Variants in TRIO observed in about 807,000 individuals in gnomAD.
TRIO encodes triple functional domain protein.
A neutral mutation model predicts 351.9 loss-of-function variants in TRIO; 58 were observed. The ratio of observed to expected loss-of-function variants is 0.16; its 90% CI spans 0.13 to 0.21. The LOEUF (loss-of-function observed/expected upper bound fraction) is 0.21, where lower values mean the gene tolerates loss of function less well. Ranked by LOEUF, TRIO falls within the 10% of genes least tolerant of loss-of-function variation. TRIO has a pLI of 1.00. For missense variants in TRIO, 3,201 were observed against 4,027.8 expected (o/e 0.79, Z 5.56); for synonymous variants, 1,758 against 1,595.7 (o/e 1.10, Z -2.42).
At chr5:14,317,558 G>A (rs1472578597) in intron 9 of TRIO, among the ~76,000 whole-genome samples, 1 of 152,230 alleles carries the variant, frequency 6.6e-6, no homozygotes, top group Non-Finnish European at 1.5e-5. Context: ...TGAGTGTCAT[G>A]TGAAGGTGAG....
At chr5:14,350,195 G>T (rs773210550) in intron 11 of TRIO, among the ~76,000 whole-genome samples, 37 of 152,168 alleles carry the variant, frequency 2.4e-4, no homozygotes, top group Admixed American at 4.6e-4. Context: ...AAGGCAGGCA[G>T]GCTGTGAGAA....
At chr5:14,268,639 A>C (rs1795825280) in intron 1 of TRIO, among the ~76,000 whole-genome samples, 1 of 152,142 alleles carries the variant, frequency 6.6e-6, no homozygotes, top group South Asian at 2.1e-4. Flanking sequence ...ACAGATAGGG[A>C]TCTACAGCTG....
At chr5:14,379,226 A>C (rs567437586) in intron 20 of TRIO, among the ~76,000 whole-genome samples, 1 of 152,334 alleles carries the variant, frequency 6.6e-6, no homozygotes, top group East Asian at 1.9e-4. Context: ...CCACATTCTG[A>C]CCACGACACG....
chr5:14,424,426 AGTACCTGCATTTT>A (rs1750468337), intron 34 of TRIO, among the ~76,000 whole-genome samples: 1 of 152,228 alleles, frequency 6.6e-6, no homozygotes, highest in Admixed American at 6.5e-5. Flanking sequence ...AGTATGGTTC[AGTACCTGCATTTT>A]ATTTCGAAGA....
intron 48 of TRIO, chr5:14,488,999 C>T: frequency 1.3e-6 from 1 of 765,232 alleles, no homozygotes; most frequent in South Asian, 1.3e-5. Context: ...TTTCCTGCTT[C>T]CTCACTGTCC....
chr5:14,342,169 G>A (rs1381323005), intron 11 of TRIO, among the ~76,000 whole-genome samples: 1 of 152,142 alleles, frequency 6.6e-6, no homozygotes, highest in Non-Finnish European at 1.5e-5. Flanking sequence ...AGGGTTCCTG[G>A]GAAGCAGGTG....
In TRIO at chr5:14,507,919, A is replaced by G. The variant is rs771310735; in HGVS notation, c.8791A>G (p.Thr2931Ala). 5 of 1,614,024 alleles carry G rather than the reference A, an allele frequency of 3.1e-6. No individual in the cohort carries two copies. The highest frequency in any genetic ancestry group is 1.7e-5 in the Admixed American group (1 of 60,000). Residue 2931 changes from threonine (T) to alanine (A), a missense_variant, in exon 57 of 57, where the codon ACC becomes GCC. Transcript: ENST00000344204. ...GGTGGATGAGAGTTTAGCCAAGCCA[A>G]CCATCAAACTGGCTGACTTTGGAGA... ...ILVDESLAKP[T>A]IKLADFGDAV... is the part of the protein sequence containing the mutation.
chr5:14,290,115 A>G lies in TRIO; in HGVS notation c.541-601A>G, dbSNP rs80351269. On this transcript the variant is annotated intron_variant, in intron 4 of 56. Transcript: ENST00000344204. ...TCCCATCATCTGTTATTTGATGGGC[A>G]GTGGGGTTAGGCTTAGGCAAGATGA... Among the ~76,000 whole-genome samples, 751 of 152,310 alleles carry G rather than the reference A, an allele frequency of 4.9e-3. 6 individuals are homozygous for G. The highest frequency in any genetic ancestry group is 0.016 in the African/African-American group (669 of 41,560).
Position 14,374,302 on chromosome 5 carries a change from G to C in TRIO, c.3290G>C (p.Gly1097Ala). 6.2e-7 allele frequency: 1 copy of C among 1,613,624 alleles called. No homozygotes were observed. Among genetic ancestry groups the C allele is most frequent in the Non-Finnish European group, 8.5e-7 (1 of 1,179,702 alleles). ...YLHRNSVNMPGMVTHIKAPEQ... is the reference protein window; with the variant it reads ...YLHRNSVNMPAMVTHIKAPEQ... The stretch of plus-strand genomic sequence containing the variant: ...CACAGGAACAGCGTGAACATGCCAG[G>C]AATGGTGACGCACATCAAAGCTCCT... Residue 1097 changes from glycine to alanine, a missense_variant, in exon 19 of 57, where the codon GGA becomes GCA. Around this residue, in one of 19 missense-constraint regions of TRIO, gnomAD observed 201 missense variants for 266.5 expected, o/e 0.75. Transcript: ENST00000344204.
intron 27 of TRIO, among the ~76,000 whole-genome samples, chr5:14,391,417 C>A (rs188497567): frequency 6.6e-6 from 1 of 152,152 alleles, no homozygotes; most frequent in Non-Finnish European, 1.5e-5. Context: ...ATTTTAATTT[C>A]ATGATGTTAC....
At chr5:14,369,631 T>C in intron 18 of TRIO, 108 bp downstream of exon 18, 2 of 1,358,270 alleles carry the variant, frequency 1.5e-6, no homozygotes, top group Non-Finnish European at 1.9e-6. Flanking sequence ...ACCTCTTGCC[T>C]GCTGTGGAAT....
chr5:14,270,965 T>A (rs1015923847), intron 2 of TRIO, 66 bp downstream of exon 2: 17 of 1,132,730 alleles, frequency 1.5e-5, no homozygotes, highest in East Asian at 9.9e-5. Context: ...TCTGACGTAA[T>A]AAATGAACTC....
intron 1 of TRIO, among the ~76,000 whole-genome samples, chr5:14,227,484 A>G (rs60257652): frequency 0.051 from 7,743 of 152,150 alleles, 650 homozygotes; most frequent in African/African-American, 0.18. Context: ...TAAGTGGCAT[A>G]CTCCAGTTTT....
intron 33 of TRIO, among the ~76,000 whole-genome samples, chr5:14,410,252 C>T (rs1749083815): frequency 6.6e-6 from 1 of 152,142 alleles, no homozygotes; most frequent in Non-Finnish European, 1.5e-5. Context: ...CAAGAAGGTG[C>T]ACGTTTGCTG....
intron 34 of TRIO, 54 bp downstream of exon 34, chr5:14,420,075 C>T (rs1295547819): frequency 7.6e-6 from 12 of 1,583,884 alleles, no homozygotes; most frequent in Middle Eastern, 2.0e-4. Flanking sequence ...GGCCCTGGAG[C>T]GCTCTGTCTC....
intron 1 of TRIO, among the ~76,000 whole-genome samples, chr5:14,262,345 G>A (rs1795398607): frequency 6.6e-6 from 1 of 152,076 alleles, no homozygotes; most frequent in Non-Finnish European, 1.5e-5. Flanking sequence ...GCATGTGTAT[G>A]GAGGTACAGT....
chr5:14,384,825 A>T (rs554181848), intron 21 of TRIO, among the ~76,000 whole-genome samples: 17 of 152,216 alleles, frequency 1.1e-4, no homozygotes, highest in Non-Finnish European at 1.8e-4. Flanking sequence ...CATAAGGAAC[A>T]TCTAAAGTTA....
intron 1 of TRIO, among the ~76,000 whole-genome samples, chr5:14,215,592 C>T (rs1792168664): frequency 1.3e-5 from 2 of 152,138 alleles, no homozygotes; most frequent in South Asian, 4.1e-4. Context: ...TTCTTTAGTT[C>T]CAAGATTTGA....
chr5:14,231,156 C>A (rs1286470274), intron 1 of TRIO, among the ~76,000 whole-genome samples: 1 of 152,186 alleles, frequency 6.6e-6, no homozygotes, highest in Non-Finnish European at 1.5e-5. Context: ...CTTGTGACCC[C>A]GTTATACTCA....
Sources: allele counts gnomAD v4.1 joint callset (sites outside exome capture counted in the v4.1 genomes callset), GRCh38; gene constraint gnomAD v4.1.1; regional missense constraint gnomAD v4.1.1; transcripts MANE v1.5; gene names NCBI Gene and HGNC (gene_info 2026-07-23, HGNC 2026-07-21).